Variants in PCDHGB1 observed in about 807,000 individuals in gnomAD.
PCDHGB1 encodes protocadherin gamma-B1.
In PCDHGB1, 34 loss-of-function variants were observed where a neutral mutation model predicts 56.6. That is an observed-to-expected ratio of 0.60 (90% confidence interval 0.46 to 0.80). The LOEUF (loss-of-function observed/expected upper bound fraction) is 0.80. PCDHGB1 is among the 30% of genes least tolerant of loss of function. The probability of loss-of-function intolerance (pLI) is 0.00; values close to 1 mark genes in which losing one functional copy is unlikely to be tolerated. For missense variants in PCDHGB1, 1,278 were observed against 1,204.6 expected (o/e 1.06, Z -0.90); for synonymous variants, 561 against 505.9 (o/e 1.11, Z -1.46).
At chr5:141,395,126 C>G (rs1416844764) in intron 1 of PCDHGB1, 1 of 1,614,078 alleles carries the variant, frequency 6.2e-7, no homozygotes, top group East Asian at 2.2e-5. Flanking sequence ...TGATCTTTCC[C>G]CAGCCCAACT....
intron 1 of PCDHGB1, chr5:141,410,091 G>A: frequency 8.7e-6 from 14 of 1,612,518 alleles, no homozygotes; most frequent in African/African-American, 1.3e-5. Flanking sequence ...CGCACGGCTC[G>A]AGCCTTAGGC....
At chr5:141,500,215 T>G (rs888740312) in intron 2 of PCDHGB1, among the ~76,000 whole-genome samples, 8 of 150,660 alleles carry the variant, frequency 5.3e-5, no homozygotes, top group African/African-American at 1.9e-4. Context: ...TTTATTTATT[T>G]ATTTATTTAT....
At chr5:141,356,833 A>G in intron 1 of PCDHGB1, 1 of 1,614,124 alleles carries the variant, frequency 6.2e-7, no homozygotes, top group South Asian at 1.1e-5. Context: ...ACTCAGCAGC[A>G]ATGTGTCACT....
At chr5:141,427,712 C>CCTGG (rs1319672065) in intron 1 of PCDHGB1, 7 of 1,051,350 alleles carry the variant, frequency 6.7e-6, no homozygotes, top group Non-Finnish European at 1.0e-5. Context: ...GCGCCTCTGA[C>CCTGG]CTGGACCTAG....
intron 1 of PCDHGB1, among the ~76,000 whole-genome samples, chr5:141,456,621 G>T (rs6885794): frequency 0.55 from 83,339 of 152,038 alleles, 25,195 homozygotes; most frequent in African/African-American, 0.82. Context: ...CTGTAGATTT[G>T]CCTCTTCTTT....
intron 1 of PCDHGB1, among the ~76,000 whole-genome samples, chr5:141,373,441 T>C (rs1232465888): frequency 2.0e-5 from 3 of 152,218 alleles, no homozygotes; most frequent in African/African-American, 7.2e-5. Flanking sequence ...GAGGATCCCT[T>C]GATCCCAGGA....
At chr5:141,374,163 C>T (rs764323551) in intron 1 of PCDHGB1, 3 of 1,612,724 alleles carry the variant, frequency 1.9e-6, no homozygotes, top group Admixed American at 1.7e-5. Context: ...TGGGGGGCCG[C>T]GGCAGCGCAG....
intron 1 of PCDHGB1, chr5:141,376,220 G>A: frequency 6.2e-7 from 1 of 1,614,202 alleles, no homozygotes; most frequent in Non-Finnish European, 8.5e-7. Context: ...CGTGCTGCTG[G>A]CGCTCAGACT....
intron 1 of PCDHGB1, chr5:141,415,740 G>GTTTTGTTTTT (rs2095911163): frequency 1.9e-6 from 1 of 515,998 alleles, no homozygotes; most frequent in African/African-American, 2.8e-5. Context: ...GTTTATTAAG[G>GTTTTGTTTTT]TTTTTTTTTT....
At chr5:141,357,667 A>C in intron 1 of PCDHGB1, 1 of 1,599,486 alleles carries the variant, frequency 6.3e-7, no homozygotes, top group South Asian at 1.1e-5. Context: ...AATATAGACA[A>C]AGAGTTGTGT....
chr5:141,479,676 G>A (rs2099503035), intron 1 of PCDHGB1: 1 of 152,242 alleles, frequency 6.6e-6, no homozygotes, highest in African/African-American at 2.4e-5. Context: ...CAAAAGGAGA[G>A]TCTTTTTGGT....
chr5:141,492,908 A>G (rs1595151443), intron 1 of PCDHGB1, among the ~76,000 whole-genome samples: 2 of 152,302 alleles, frequency 1.3e-5, no homozygotes, highest in African/African-American at 4.8e-5. Context: ...TCGTGATCAC[A>G]ATGTGCCCAG....
intron 1 of PCDHGB1, among the ~76,000 whole-genome samples, chr5:141,447,047 T>C (rs529082157): frequency 1.3e-5 from 2 of 152,342 alleles, no homozygotes; most frequent in African/African-American, 4.8e-5. Flanking sequence ...TCTGGAATTC[T>C]ATTAAAATGT....
At chr5:141,404,769 A>G in intron 1 of PCDHGB1, 2 of 1,611,124 alleles carry the variant, frequency 1.2e-6, no homozygotes, top group Non-Finnish European at 1.7e-6. Flanking sequence ...TGGCTCTCCT[A>G]CCGCCTATTC....
intron 1 of PCDHGB1, chr5:141,384,711 G>T (rs765373675): frequency 2.5e-6 from 4 of 1,614,160 alleles, no homozygotes; most frequent in Non-Finnish European, 3.4e-6. Flanking sequence ...ACGCCTGGCT[G>T]TCATACCTCC....
At chr5:141,359,901 C>T in intron 1 of PCDHGB1, 1 of 404,924 alleles carries the variant, frequency 2.5e-6, no homozygotes, top group Non-Finnish European at 4.3e-6. Flanking sequence ...TATTGACAAG[C>T]CATTAGTGCA....
chr5:141,451,806 A>G (rs145650418), intron 1 of PCDHGB1, among the ~76,000 whole-genome samples: 6,855 of 150,824 alleles, frequency 0.045, 259 homozygotes, highest in African/African-American at 0.1. Context: ...GCTTGAACCC[A>G]GGAGGCGGAG....
chr5:141,489,571 G>A lies in PCDHGB1; in HGVS notation c.2410-5236G>A, dbSNP rs1206848223. The A allele has an allele frequency of 1.9e-6, 3 of 1,613,884 alleles. No individual in the cohort carries two copies. The highest frequency in any genetic ancestry group is 2.2e-5 in the South Asian group (2 of 91,070). On this transcript the variant is annotated intron_variant, in intron 1 of 3. Transcript: ENST00000523390. The surrounding 1 kb of genome is among the most constrained non-coding windows in gnomAD (Gnocchi z 4.5). ...CCTGCTGCCAGTGCAGGTGGTGACT[G>A]AACACCCCCTGGAGCTAATCCGTGT...
intron 1 of PCDHGB1, among the ~76,000 whole-genome samples, chr5:141,444,150 GGATTT>G (rs2098419598): frequency 1.8e-5 from 2 of 114,012 alleles, no homozygotes; most frequent in Non-Finnish European, 3.5e-5. Flanking sequence ...TGTGTGTACT[GGATTT>G]TTTTTTTTTT....
Sources: gnomAD v4.1 joint callset for allele counts (sites outside exome capture counted in the v4.1 genomes callset) on GRCh38, gnomAD v4.1.1 for gene constraint, Gnocchi (gnomAD v3.1) non-coding constraint, MANE v1.5 for transcripts, NCBI Gene and HGNC (gene_info 2026-07-23, HGNC 2026-07-21) for gene names.